The following RAD54B variants were observed in gnomAD, a reference collection of about 807,000 sequenced individuals.
RAD54B encodes RAD54 homolog B, also known as DNA repair and recombination protein RAD54B.
RAD54B carries 78 observed loss-of-function variants against 95.8 expected under a neutral mutation model. The observed-to-expected ratio is 0.81, with a 90% confidence interval of 0.68 to 0.98. The LOEUF is 0.98. Among genes scored for constraint, RAD54B ranks in the 50% least tolerant of loss-of-function variants. The pLI is 0.00. For missense variants in RAD54B, 957 were observed against 1,056.6 expected, an observed-to-expected ratio of 0.91 and a Z score of 1.31; for synonymous variants, 328 against 354.9, an observed-to-expected ratio of 0.92 and a Z score of 0.85.
chr8:94,385,458 A>T (rs1586124162), intron 11 of RAD54B, among the ~76,000 whole-genome samples: 1 of 152,108 alleles, frequency 6.6e-6, no homozygotes, highest in Non-Finnish European at 1.5e-5. Flanking sequence ...TACATCTCAC[A>T]TGCCCTTTTG....
At chr8:94,399,347 C>CA in intron 8 of RAD54B, 67 bp downstream of exon 8, 3 of 1,226,672 alleles carry the variant, frequency 2.4e-6, no homozygotes, top group Middle Eastern at 1.9e-4. Context: ...TGTTAAGCAT[C>CA]ATAGTACAAG....
intron 3 of RAD54B, among the ~76,000 whole-genome samples, chr8:94,435,191 T>A (rs1202519230): frequency 6.6e-6 from 1 of 152,034 alleles, no homozygotes; most frequent in East Asian, 1.9e-4. Flanking sequence ...GATATCTAGC[T>A]ATTGGGATTT....
intron 5 of RAD54B, among the ~76,000 whole-genome samples, chr8:94,406,195 T>C (rs1180026044): frequency 1.3e-5 from 2 of 152,138 alleles, no homozygotes; most frequent in Non-Finnish European, 2.9e-5. Flanking sequence ...ACCCACGTTT[T>C]ACACATGAGT....
intron 3 of RAD54B, among the ~76,000 whole-genome samples, chr8:94,452,476 G>A (rs1812679060): frequency 6.6e-6 from 1 of 151,970 alleles, no homozygotes; most frequent in African/African-American, 2.4e-5. Flanking sequence ...TAAATTTGTG[G>A]AAGTTTTTTA....
At chr8:94,473,475 T>A (rs149247181) in intron 1 of RAD54B, among the ~76,000 whole-genome samples, 1 of 152,350 alleles carries the variant, frequency 6.6e-6, no homozygotes, top group African/African-American at 2.4e-5. Flanking sequence ...GGTACCATAA[T>A]CATGCTTACA....
At chr8:94,398,002 G>A (rs1425373153) in intron 8 of RAD54B, among the ~76,000 whole-genome samples, 1 of 151,892 alleles carries the variant, frequency 6.6e-6, no homozygotes, top group Non-Finnish European at 1.5e-5. Context: ...TTCTCAAACA[G>A]CCAAAGATAT....
chr8:94,387,304 C>A, intron 10 of RAD54B, 145 bp from the exon 11 acceptor site: 1 of 624,924 alleles, frequency 1.6e-6, no homozygotes, highest in Non-Finnish European at 2.6e-6. Flanking sequence ...CTTTATAGGT[C>A]ATGATTTGAT....
At chr8:94,432,379 G>A (rs556977816) in intron 3 of RAD54B, 67 of 1,550,184 alleles carry the variant, frequency 4.3e-5, no homozygotes, top group East Asian at 1.5e-4. Flanking sequence ...CTCTCATGCC[G>A]AAAAAAATCA....
chr8:94,447,820 A>G (rs1191920741), intron 3 of RAD54B, among the ~76,000 whole-genome samples: 5 of 152,196 alleles, frequency 3.3e-5, no homozygotes, highest in Non-Finnish European at 7.3e-5. Context: ...GAGCCAGTCT[A>G]AGAATGCAAC....
chr8:94,413,402 T>C (rs957456497), intron 3 of RAD54B, among the ~76,000 whole-genome samples: 2 of 152,176 alleles, frequency 1.3e-5, no homozygotes, highest in African/African-American at 4.8e-5. Flanking sequence ...TTCACACATA[T>C]ACGGCGAAAT....
At chr8:94,458,963 A>C (rs1812839143) in intron 2 of RAD54B, among the ~76,000 whole-genome samples, 1 of 152,220 alleles carries the variant, frequency 6.6e-6, no homozygotes, top group Non-Finnish European at 1.5e-5. Flanking sequence ...GATATGACAG[A>C]ATGAAAAATT....
intron 3 of RAD54B, chr8:94,432,009 G>A (rs1812109302): frequency 7.6e-7 from 1 of 1,310,406 alleles, no homozygotes; most frequent in Non-Finnish European, 9.7e-7. Context: ...TATCTAAAAA[G>A]TTTTTCCATA....
rs1199841719 is a variant in RAD54B at position 94,429,694 on chromosome 8, T to C, written c.305-18379A>G. ...CTCAAAGAAAAGTCATAGCACAGAT[T>C]AAAGAGAAAAGGTAACATTGTCAAA... On this transcript the variant is annotated intron_variant, in intron 3 of 14. Transcript: ENST00000336148. 5.1e-6 allele frequency: 5 copies of C among 983,248 alleles called. No individual in the cohort carries two copies. The East Asian group carries it at 5.7e-4, about 112-fold the overall frequency. 60.9% of individuals were successfully genotyped at this position (983,248 alleles called of 1,614,324 possible). A position where few individuals can be genotyped will look rare whatever the true frequency, so the allele number is the denominator to read the frequency against.
chr8:94,430,272 C>T, intron 3 of RAD54B: 1 of 889,450 alleles, frequency 1.1e-6, no homozygotes, highest in Non-Finnish European at 1.3e-6. Flanking sequence ...CATCGCACCA[C>T]TGCACTCCAA....
chr8:94,430,491 A>C (rs1375235134), intron 3 of RAD54B: 1 of 953,564 alleles, frequency 1.0e-6, no homozygotes. Context: ...TTTAGCATGC[A>C]TCAGAATCGC....
intron 3 of RAD54B, among the ~76,000 whole-genome samples, chr8:94,456,083 C>T (rs1156625004): frequency 1.3e-5 from 2 of 152,142 alleles, no homozygotes; most frequent in East Asian, 3.8e-4. Context: ...AAAAGAAACA[C>T]CTGTGGAGCT....
intron 14 of RAD54B, among the ~76,000 whole-genome samples, chr8:94,375,730 C>T (rs754782524): frequency 3.9e-5 from 6 of 151,932 alleles, no homozygotes; most frequent in Non-Finnish European, 5.9e-5. Context: ...TCTCAAGATA[C>T]GCTACTGAGT....
chr8:94,437,064 C>A, intron 3 of RAD54B: 1 of 1,107,372 alleles, frequency 9.0e-7, no homozygotes, highest in Non-Finnish European at 1.2e-6. Flanking sequence ...TAAGCCAAGC[C>A]TGACCTACAT....
Position 94,404,064 on chromosome 8 carries a change from T to C in RAD54B, c.944+13A>G, listed in dbSNP as rs182247966. ...AATTCAGATTAGATTAAACAAATGATTTATTTTCCTACCTCATTCCCATTA... is the reference window on the plus strand; with the variant it reads ...AATTCAGATTAGATTAAACAAATGACTTATTTTCCTACCTCATTCCCATTA... On this transcript the variant is annotated intron_variant, in intron 6 of 14. Coordinates refer to ENST00000336148, the MANE Select transcript of RAD54B (RefSeq NM_012415.3). 4.4e-4 allele frequency: 686 copies of C among 1,563,200 alleles called. 1 individual carries two copies. The highest frequency in any genetic ancestry group is 5.7e-4 in the Non-Finnish European group (656 of 1,151,428).
Sources: allele counts gnomAD v4.1 joint callset (sites outside exome capture counted in the v4.1 genomes callset), GRCh38; gene constraint gnomAD v4.1.1; transcripts MANE v1.5; gene names NCBI Gene and HGNC (gene_info 2026-07-23, HGNC 2026-07-21).